The following DIAPH2 variants were observed in gnomAD, a reference collection of about 807,000 sequenced individuals.
The protein encoded by DIAPH2 is protein diaphanous homolog 2.
A neutral mutation model predicts 92.7 loss-of-function variants in DIAPH2; 35 were observed. That is an observed-to-expected ratio of 0.38 (90% confidence interval 0.29 to 0.50). DIAPH2 has a LOEUF of 0.50. Ranked by LOEUF, DIAPH2 falls within the 20% of genes least tolerant of loss-of-function variation. The pLI is 0.94. For missense variants in DIAPH2, 701 were observed against 819.5 expected, an observed-to-expected ratio of 0.86 and a Z score of 1.77; for synonymous variants, 301 against 280.4, an observed-to-expected ratio of 1.07 and a Z score of -0.73.
chrX:97,220,573 TG>T (rs1441058784), intron 22 of DIAPH2, among the ~76,000 whole-genome samples: 3 of 110,852 alleles, frequency 2.7e-5, no homozygotes, highest in Non-Finnish European at 5.7e-5. Context: ...CGTGGTAAAA[TG>T]GGGATGAGGT....
At chrX:97,152,380 A>G (rs979002997) in intron 22 of DIAPH2, among the ~76,000 whole-genome samples, 1 of 112,363 alleles carries the variant, frequency 8.9e-6, no homozygotes, top group East Asian at 2.8e-4. Context: ...CCAAAGTTAT[A>G]TGACTCAAAC....
intron 25 of DIAPH2, among the ~76,000 whole-genome samples, chrX:97,415,697 G>A (rs748315429): frequency 4.3e-4 from 41 of 96,227 alleles, no homozygotes; most frequent in Non-Finnish European, 7.9e-4. Flanking sequence ...ACATGGGGGC[G>A]TGTTGTGGGG....
intron 4 of DIAPH2, among the ~76,000 whole-genome samples, chrX:96,772,511 T>TG (rs2064345861): frequency 8.9e-6 from 1 of 112,320 alleles, no homozygotes; most frequent in African/African-American, 3.2e-5. Flanking sequence ...ATACATGATA[T>TG]TCATAACTTG....
At chrX:97,300,296 A>G (rs913549102) in intron 23 of DIAPH2, among the ~76,000 whole-genome samples, 1 of 112,048 alleles carries the variant, frequency 8.9e-6, no homozygotes, top group Non-Finnish European at 1.9e-5. Flanking sequence ...GTAACTCTCT[A>G]TGTGAATAAG....
intron 17 of DIAPH2, among the ~76,000 whole-genome samples, chrX:97,013,508 C>T (rs1407300271): frequency 8.9e-6 from 1 of 112,296 alleles, no homozygotes; most frequent in African/African-American, 3.2e-5. Flanking sequence ...GGCTGTACAA[C>T]AGACCAAGGC....
At chrX:97,203,865 C>CA (rs1297795953) in intron 22 of DIAPH2, among the ~76,000 whole-genome samples, 1 of 110,514 alleles carries the variant, frequency 9.0e-6, no homozygotes, top group Non-Finnish European at 1.9e-5. Context: ...AGAGACACAA[C>CA]AAAAAAAAGG....
In DIAPH2 at chrX:97,478,638, T is replaced by C. The variant is rs762851060; in HGVS notation, c.3241+48893T>C. On this transcript the variant is annotated intron_variant, in intron 26 of 26. Transcript: ENST00000324765. ...GCTTGGAAAGTGATGCTTTTCTACT[T>C]TAATTTTAAATCTTGTACATTTTAT... 5.3e-5 allele frequency among the ~76,000 whole-genome samples: 6 copies of C among 112,337 alleles called. No individual in the cohort carries two copies. In the East Asian group the frequency reaches 1.7e-3, roughly 31 times the overall value.
chrX:96,921,876 CA>C (rs745990119), intron 9 of DIAPH2, among the ~76,000 whole-genome samples: 10 of 110,483 alleles, frequency 9.1e-5, no homozygotes, highest in Non-Finnish European at 1.7e-4. Context: ...CTTTTTTAAA[CA>C]ATTTTGTCCA....
Position 97,416,624 on chromosome X carries a change from G to A in DIAPH2, c.3146-13026G>A, listed in dbSNP as rs184795100. Among the ~76,000 whole-genome samples the A allele has an allele frequency of 4.5e-5, 5 of 111,895 alleles. No individual in the cohort carries two copies. The South Asian group carries it at 1.1e-3, about 26-fold the overall frequency. On this transcript the variant is annotated intron_variant, in intron 25 of 26. Coordinates refer to ENST00000324765, the MANE Select transcript of DIAPH2 (RefSeq NM_006729.5). Reference sequence around the variant, plus strand: ...GAATGGACACCAAGATACTAAAGTCGTAACATTAATGAGTCACTAGGACTA... The same window carrying A: ...GAATGGACACCAAGATACTAAAGTCATAACATTAATGAGTCACTAGGACTA...
chrX:96,923,816 G>GT (rs1028019634), intron 9 of DIAPH2, among the ~76,000 whole-genome samples: 2 of 111,697 alleles, frequency 1.8e-5, no homozygotes, highest in African/African-American at 6.5e-5. Flanking sequence ...GAGATACTGA[G>GT]TTACACCATA....
intron 26 of DIAPH2, among the ~76,000 whole-genome samples, chrX:97,582,405 T>G (rs1307336168): frequency 3.1e-5 from 3 of 95,519 alleles, no homozygotes; most frequent in Non-Finnish European, 4.2e-5. Flanking sequence ...GTCTGTAAAG[T>G]ATTTTATTTC....
At chrX:96,932,141 C>T (rs1166191342) in intron 10 of DIAPH2, among the ~76,000 whole-genome samples, 1 of 110,006 alleles carries the variant, frequency 9.1e-6, no homozygotes, top group Non-Finnish European at 1.9e-5. Flanking sequence ...GAATTTCCTT[C>T]TTGTTGGTTT....
chrX:97,572,727 C>T (rs936472210), intron 26 of DIAPH2, among the ~76,000 whole-genome samples: 1 of 111,720 alleles, frequency 9.0e-6, no homozygotes, highest in African/African-American at 3.3e-5. Context: ...TTTTATTTGC[C>T]CTTCTGAACA....
chrX:97,459,328 C>T (rs1296610663), intron 26 of DIAPH2, among the ~76,000 whole-genome samples: 1 of 111,994 alleles, frequency 8.9e-6, no homozygotes, highest in African/African-American at 3.2e-5. Context: ...TAAATCTTGG[C>T]TCTGCCACTT....
chrX:97,120,367 G>A (rs1223838385), intron 21 of DIAPH2, among the ~76,000 whole-genome samples: 3 of 110,608 alleles, frequency 2.7e-5, no homozygotes, highest in South Asian at 3.9e-4. Flanking sequence ...TTCCCACTTC[G>A]CAATTTGGGC....
chrX:96,698,497 T>C (rs2063836990), intron 1 of DIAPH2, among the ~76,000 whole-genome samples: 1 of 111,089 alleles, frequency 9.0e-6, no homozygotes, highest in Admixed American at 9.7e-5. Flanking sequence ...TATTTTTGTG[T>C]TGACTTGTGA....
chrX:97,004,002 T>A (rs1171170917), intron 17 of DIAPH2, among the ~76,000 whole-genome samples: 1 of 111,732 alleles, frequency 8.9e-6, no homozygotes, highest in Admixed American at 9.5e-5. Context: ...TTCTTCCACA[T>A]ATAGATATCC....
At chrX:96,886,672 A>C (rs750919116) in intron 5 of DIAPH2, among the ~76,000 whole-genome samples, 1 of 111,510 alleles carries the variant, frequency 9.0e-6, no homozygotes. Flanking sequence ...TTGTTGAAAA[A>C]GGTTACCTGT....
At chrX:97,012,504 G>T (rs2147865115) in intron 17 of DIAPH2, among the ~76,000 whole-genome samples, 1 of 112,000 alleles carries the variant, frequency 8.9e-6, no homozygotes, top group African/African-American at 3.2e-5. Context: ...CATGAAAATG[G>T]AACTTATTAA....
Sources: allele counts gnomAD v4.1 joint callset (sites outside exome capture counted in the v4.1 genomes callset), GRCh38; gene constraint gnomAD v4.1.1; transcripts MANE v1.5; gene names NCBI Gene and HGNC (gene_info 2026-07-23, HGNC 2026-07-21).